The following GHR variants were observed in gnomAD, a reference collection of about 807,000 sequenced individuals.
GHR encodes growth hormone receptor, also known as GH receptor.
Under a neutral mutation model 67.1 loss-of-function variants are expected in GHR, and 35 were observed. The observed-to-expected ratio is 0.52, with a 90% CI of 0.40 to 0.69. The LOEUF (loss-of-function observed/expected upper bound fraction) is 0.69. Among genes scored for constraint, GHR ranks in the 30% least tolerant of loss-of-function variants. The pLI is 0.00. For missense variants in GHR, 792 were observed against 764.6 expected, an observed-to-expected ratio of 1.04 and a Z score of -0.42; for synonymous variants, 272 against 269.1, an observed-to-expected ratio of 1.01 and a Z score of -0.10.
intron 1 of GHR, among the ~76,000 whole-genome samples, chr5:42,527,091 G>A (rs947669663): frequency 6.6e-6 from 1 of 152,150 alleles, no homozygotes; most frequent in South Asian, 2.1e-4. Context: ...ACTAAATATA[G>A]AAAGGAAAGA....
intron 1 of GHR, among the ~76,000 whole-genome samples, chr5:42,555,586 T>G (rs764375512): frequency 5.3e-5 from 8 of 152,164 alleles, no homozygotes; most frequent in Non-Finnish European, 1.0e-4. Flanking sequence ...GGAGATTTAC[T>G]TAACCTCTCT....
intron 1 of GHR, among the ~76,000 whole-genome samples, chr5:42,507,103 T>C (rs1423087222): frequency 6.6e-6 from 1 of 152,244 alleles, no homozygotes; most frequent in Non-Finnish European, 1.5e-5. Context: ...CACAGAATCT[T>C]AGAGGCTTTT....
At chr5:42,576,717 T>C (rs1484209893) in intron 2 of GHR, among the ~76,000 whole-genome samples, 1 of 152,218 alleles carries the variant, frequency 6.6e-6, no homozygotes. Context: ...CTTTATAAAA[T>C]GGGATACTGT....
At chr5:42,601,967 TA>T (rs1752396912) in intron 2 of GHR, among the ~76,000 whole-genome samples, 1 of 152,152 alleles carries the variant, frequency 6.6e-6, no homozygotes, top group Non-Finnish European at 1.5e-5. Flanking sequence ...ACTGAGAGTA[TA>T]AAAATAAATC....
chr5:42,602,392 GTA>G (rs1752422516), intron 2 of GHR, among the ~76,000 whole-genome samples: 1 of 152,116 alleles, frequency 6.6e-6, no homozygotes, highest in African/African-American at 2.4e-5. Context: ...ACCTTTTACT[GTA>G]TGTATGTACT....
rs576012133 is a variant in GHR, at chr5:42,475,167, C to T, written c.-12+51212C>T. Among the ~76,000 whole-genome samples the T allele has an allele frequency of 2.3e-3, 344 of 152,148 alleles. 1 individual carries two copies. The highest frequency in any genetic ancestry group is 4.0e-3 in the Non-Finnish European group (273 of 68,004). ...TGCTGGGATTACAGGTGTGAGCCAC[C>T]GCGCCCAGCCTGCCCTTGATTTTTA... On this transcript the variant is annotated intron_variant, in intron 1 of 9. Coordinates refer to ENST00000230882, the MANE Select transcript of GHR (RefSeq NM_000163.5).
At chr5:42,492,191 C>T (rs1332160651) in intron 1 of GHR, among the ~76,000 whole-genome samples, 2 of 152,076 alleles carry the variant, frequency 1.3e-5, no homozygotes, top group Non-Finnish European at 1.5e-5. Context: ...TTTCAAACTA[C>T]TAGATTGTGA....
chr5:42,522,060 CCT>C (rs1390116621), intron 1 of GHR, among the ~76,000 whole-genome samples: 1 of 151,970 alleles, frequency 6.6e-6, no homozygotes, highest in Admixed American at 6.6e-5. Context: ...CTACAAAGTC[CCT>C]GAGCCAAAAT....
chr5:42,556,781 G>T lies in GHR; in HGVS notation c.-11-9083G>T, dbSNP rs201576887. Reference sequence around the variant, plus strand: ...TAGTTGCGGGGAGGCATTATAAAGTGCAATGTGGTCCTAGTGAAACAGAAT... The same window carrying T: ...TAGTTGCGGGGAGGCATTATAAAGTTCAATGTGGTCCTAGTGAAACAGAAT... On this transcript the variant is annotated intron_variant, in intron 1 of 9. Coordinates refer to ENST00000230882, the MANE Select transcript of GHR (RefSeq NM_000163.5). Among the ~76,000 whole-genome samples the T allele has an allele frequency of 3.9e-5, 6 of 152,194 alleles. No homozygotes were observed. In the East Asian group the frequency reaches 1.2e-3, roughly 29 times the overall value.
intron 3 of GHR, among the ~76,000 whole-genome samples, chr5:42,687,416 C>A (rs546898566): frequency 5.9e-5 from 9 of 152,188 alleles, no homozygotes. Flanking sequence ...CCTGACCCAG[C>A]TTATTTTTCT....
At chr5:42,655,251 C>G (rs4451056) in intron 3 of GHR, among the ~76,000 whole-genome samples, 128,769 of 152,070 alleles carry the variant, frequency 0.85, 54,678 homozygotes, top group East Asian at 1. Context: ...AGATGCTGCT[C>G]CTTTAATATT....
rs142814933 is a variant in GHR, at chr5:42,622,477, G to C, written c.71-6561G>C. 2.8e-3 allele frequency among the ~76,000 whole-genome samples: 429 copies of C among 152,250 alleles called. 1 individual carries two copies. The highest frequency in any genetic ancestry group is 0.01 in the African/African-American group (416 of 41,542). On this transcript the variant is annotated intron_variant, in intron 2 of 9. Coordinates refer to ENST00000230882, the MANE Select transcript of GHR (RefSeq NM_000163.5). ...GAATCACCTGGCAGGGAGGGGTATG[G>C]AAGGGCAAGGTAAGCATACACATTC...
intron 3 of GHR, among the ~76,000 whole-genome samples, chr5:42,638,924 T>C (rs1048029996): frequency 2.0e-5 from 3 of 152,210 alleles, no homozygotes; most frequent in African/African-American, 7.2e-5. Flanking sequence ...AGAGGTATTA[T>C]GGTTATGTTT....
chr5:42,656,869 G>T (rs1755282748), intron 3 of GHR, among the ~76,000 whole-genome samples: 1 of 152,104 alleles, frequency 6.6e-6, no homozygotes, highest in Non-Finnish European at 1.5e-5. Flanking sequence ...GCCATCTAGT[G>T]TAATAAAGTA....
intron 1 of GHR, among the ~76,000 whole-genome samples, chr5:42,546,433 T>A (rs1199348329): frequency 6.6e-6 from 1 of 151,962 alleles, no homozygotes; most frequent in Non-Finnish European, 1.5e-5. Context: ...GGAGGGGAAG[T>A]GTAGGGGATG....
intron 1 of GHR, among the ~76,000 whole-genome samples, chr5:42,478,165 G>T (rs371265337): frequency 4.6e-5 from 7 of 151,978 alleles, no homozygotes; most frequent in Admixed American, 4.6e-4. Flanking sequence ...TCTTGTTTTT[G>T]TCAGGTTTGT....
intron 1 of GHR, among the ~76,000 whole-genome samples, chr5:42,433,210 G>C (rs369099500): frequency 1.3e-5 from 2 of 151,708 alleles, no homozygotes; most frequent in Non-Finnish European, 2.9e-5. Flanking sequence ...ACTTATTATG[G>C]AGCATGACAT....
At chr5:42,570,929 G>A (rs1392596063) in intron 2 of GHR, among the ~76,000 whole-genome samples, 2 of 152,138 alleles carry the variant, frequency 1.3e-5, no homozygotes, top group South Asian at 2.1e-4. Context: ...GATAATCTAA[G>A]TGTGACAGGG....
At chr5:42,543,650 T>C (rs1199802713) in intron 1 of GHR, among the ~76,000 whole-genome samples, 1 of 152,202 alleles carries the variant, frequency 6.6e-6, no homozygotes. Flanking sequence ...CTTTTAAAGA[T>C]TTTTCTGTAT....
Sources: allele counts gnomAD v4.1 joint callset (sites outside exome capture counted in the v4.1 genomes callset), GRCh38; gene constraint gnomAD v4.1.1; transcripts MANE v1.5; gene names NCBI Gene and HGNC (gene_info 2026-07-23, HGNC 2026-07-21).